Variants in STK25 observed in about 807,000 individuals in gnomAD.
The protein encoded by STK25 is serine/threonine-protein kinase 25.
A neutral mutation model predicts 53.8 loss-of-function variants in STK25; 29 were observed. That is an observed-to-expected ratio of 0.54 (90% CI 0.40 to 0.74). The LOEUF (loss-of-function observed/expected upper bound fraction) is 0.74, where lower values mean the gene tolerates loss of function less well. STK25 is among the 30% of genes least tolerant of loss of function. The probability of loss-of-function intolerance (pLI) is 0.00; values close to 1 mark genes in which losing one functional copy is unlikely to be tolerated. For missense variants in STK25, 420 were observed against 568.0 expected (o/e 0.74, Z 2.65); for synonymous variants, 247 against 238.3 (o/e 1.04, Z -0.33).
chr2:241,508,222 G>A lies in STK25; in HGVS notation c.-100-87C>T, dbSNP rs947989609. On this transcript the variant is annotated intron_variant, in intron 1 of 11. Transcript: ENST00000316586. ...CGGCGGGCTCCATGGGTGGGGGGGG[G>A]CCCAGGAGACCCCCCAGGCCGCCGG... The A allele has an allele frequency of 9.1e-5, 118 of 1,297,360 alleles. 1 individual carries two copies. The highest frequency in any genetic ancestry group is 1.1e-4 in the Non-Finnish European group (110 of 1,021,370). 80.4% of individuals were successfully genotyped at this position (1,297,360 alleles called of 1,614,324 possible). A position where few individuals can be genotyped will look rare whatever the true frequency, so the allele number is the denominator to read the frequency against.
rs1225090293 is a variant in STK25, at chr2:241,501,179, C to CCAG, written c.261+296_261+298dup. The stretch of plus-strand genomic sequence containing the variant: ...CCCTACACCCCAGACACTGGCACCA[C>CCAG]CAGCCACCTGCTCCTCACAGGCCCA... On this transcript the variant is annotated intron_variant, in intron 3 of 11. Coordinates refer to ENST00000316586, the MANE Select transcript of STK25 (RefSeq NM_001271977.2). This position sits in a 1 kb window ranked among gnomAD's most constrained non-coding sequence, Gnocchi z 5.3. The CCAG allele has an allele frequency of 3.6e-6, 2 of 552,428 alleles. No individual in the cohort carries two copies. Among genetic ancestry groups the CCAG allele is most frequent in the Non-Finnish European group, 6.5e-6 (2 of 306,160 alleles). 34.2% of individuals were successfully genotyped at this position (552,428 alleles called of 1,614,324 possible). A position where few individuals can be genotyped will look rare whatever the true frequency, so the allele number is the denominator to read the frequency against.
In STK25 at chr2:241,496,157, A is replaced by G. The variant is rs541088838; in HGVS notation, c.1241+241T>C. 2.1e-3 allele frequency among the ~76,000 whole-genome samples: 321 copies of G among 152,238 alleles called. 1 individual carries two copies. Among genetic ancestry groups the G allele is most frequent in the African/African-American group, 7.6e-3 (314 of 41,538 alleles). ...TGGCCACTGAGGCCGGGACCCTGAG[A>G]CACTGCCTCAGACCCTTAGACTGGA... On this transcript the variant is annotated intron_variant, in intron 11 of 11. Transcript: ENST00000316586. This position sits in a 1 kb window ranked among gnomAD's most constrained non-coding sequence, Gnocchi z 5.8.
In STK25 at chr2:241,501,385, C is replaced by T; in HGVS notation, c.261+93G>A. 7.6e-7 allele frequency: 1 copy of T among 1,321,762 alleles called. No individual in the cohort carries two copies. The highest frequency in any genetic ancestry group is 1.9e-5 in the Admixed American group (1 of 51,676). 81.9% of individuals were successfully genotyped at this position (1,321,762 alleles called of 1,614,324 possible). On this transcript the variant is annotated intron_variant, in intron 3 of 11. Coordinates refer to ENST00000316586, the MANE Select transcript of STK25 (RefSeq NM_001271977.2). The surrounding 1 kb of genome is among the most constrained non-coding windows in gnomAD (Gnocchi z 5.3). ...GGCATGCACTGAACCGTCAAGACCG[C>T]CTTGCACCCTCTGGCATGTCACTCA...
intron 9 of STK25, 139 bp downstream of exon 9, chr2:241,498,096 T>G: frequency 1.3e-6 from 1 of 787,770 alleles, no homozygotes; most frequent in South Asian, 1.6e-5. Context: ...AGTGCCACAG[T>G]GGGCTTCAGA....
chr2:241,500,840 A>C, intron 3 of STK25, 44 bp from the exon 4 acceptor site: 1 of 1,603,968 alleles, frequency 6.2e-7, no homozygotes, highest in Non-Finnish European at 8.5e-7. Context: ...AGCAAGAGGA[A>C]GGGCATGCTC....
intron 10 of STK25, chr2:241,497,309 AC>A (rs1429811592): frequency 6.1e-6 from 2 of 329,970 alleles, no homozygotes; most frequent in Non-Finnish European, 1.1e-5. Context: ...CCAGGGCGGC[AC>A]CTGCCCGGGG....
chr2:241,499,908 C>G (rs2065403878), intron 5 of STK25: 4 of 577,132 alleles, frequency 6.9e-6, no homozygotes, highest in South Asian at 1.7e-5. Context: ...TGCCGTGCAC[C>G]ACAGGGAACC....
At chr2:241,505,994 C>T (rs1016738221) in intron 2 of STK25, among the ~76,000 whole-genome samples, 5 of 152,378 alleles carry the variant, frequency 3.3e-5, no homozygotes, top group Admixed American at 6.5e-5. Context: ...AATGTGTCTG[C>T]TGTCAGTGTT....
chr2:241,499,866 G>A (rs759902035), intron 5 of STK25: 8 of 493,722 alleles, frequency 1.6e-5, no homozygotes, highest in Non-Finnish European at 2.6e-5. Flanking sequence ...CAGACCACAC[G>A]CTGGGGCTAC....
rs2064994839 is a variant in STK25 at position 241,493,225 on chromosome 2, A to G, written c.*2437T>C. On this transcript the variant is annotated 3_prime_UTR_variant, in exon 12 of 12. Transcript: ENST00000316586. ...TTGTACGTGCCACCGTTGTGCAGGT[A>G]GCAGAGGAATGGGCATTCCCTGTGG... is the stretch of plus-strand genomic sequence containing the variant. 6.6e-7 allele frequency: 1 copy of G among 1,523,770 alleles called. No individual in the cohort carries two copies. Among genetic ancestry groups the G allele is most frequent in the Non-Finnish European group, 9.1e-7 (1 of 1,103,786 alleles). The allele number at this position is 1,523,770 out of a possible 1,614,324, so 94.4% of individuals were successfully genotyped here.
In STK25 at chr2:241,501,472, A is replaced by G; in HGVS notation, c.261+6T>C. ...AGCAGGGTCCCCGCCTCCCCACAACAGGCACCTTTAGGTAGGAGCCAAAGT... is the reference window on the plus strand; with the variant it reads ...AGCAGGGTCCCCGCCTCCCCACAACGGGCACCTTTAGGTAGGAGCCAAAGT... On this transcript the variant is annotated splice_donor_region_variant and intron_variant, in intron 3 of 11. Coordinates refer to ENST00000316586, the MANE Select transcript of STK25 (RefSeq NM_001271977.2). This position sits in a 1 kb window ranked among gnomAD's most constrained non-coding sequence, Gnocchi z 5.3. The G allele has an allele frequency of 6.2e-7, 1 of 1,613,102 alleles. No individual in the cohort carries two copies.
At chr2:241,500,491 G>C (rs1428423968) in intron 4 of STK25, among the ~76,000 whole-genome samples, 1 of 152,180 alleles carries the variant, frequency 6.6e-6, no homozygotes, top group Non-Finnish European at 1.5e-5. Flanking sequence ...TTACTGTCAT[G>C]TAACAGAAAA....
intron 8 of STK25, 98 bp downstream of exon 8, chr2:241,498,541 G>A: frequency 6.8e-7 from 1 of 1,460,568 alleles, no homozygotes. Context: ...ACTATATCTG[G>A]TCACCCTCAC....
Position 241,496,338 on chromosome 2 carries a change from C to A in STK25, c.1241+60G>T. On this transcript the variant is annotated intron_variant, in intron 11 of 11. Transcript: ENST00000316586. This position sits in a 1 kb window ranked among gnomAD's most constrained non-coding sequence, Gnocchi z 5.8. ...CCCACGAGTGAGCACTGGACCTCAC[C>A]CCACGTCCAGCTTCTTGGTGGGGGT... 1 of 1,573,834 alleles carries A rather than the reference C, an allele frequency of 6.4e-7. No individual in the cohort carries two copies.
In STK25 at chr2:241,496,317, C is replaced by G; in HGVS notation, c.1241+81G>C. ...GTAGTGCCAAATGCAGCCACACCCA[C>G]GAGTGAGCACTGGACCTCACCCCAC... is the stretch of plus-strand genomic sequence containing the variant. On this transcript the variant is annotated intron_variant, in intron 11 of 11. Transcript: ENST00000316586. The surrounding 1 kb of genome is among the most constrained non-coding windows in gnomAD (Gnocchi z 5.8). 1 of 1,516,930 alleles carries G rather than the reference C, an allele frequency of 6.6e-7. No individual in the cohort carries two copies. The highest frequency in any genetic ancestry group is 1.4e-5 in the African/African-American group (1 of 73,062). The allele number at this position is 1,516,930 out of a possible 1,614,324, so 94.0% of individuals were successfully genotyped here. A position where few individuals can be genotyped will look rare whatever the true frequency, so the allele number is the denominator to read the frequency against.
chr2:241,501,424 G>T lies in STK25; in HGVS notation c.261+54C>A. On this transcript the variant is annotated intron_variant, in intron 3 of 11. Coordinates refer to ENST00000316586, the MANE Select transcript of STK25 (RefSeq NM_001271977.2). This position sits in a 1 kb window ranked among gnomAD's most constrained non-coding sequence, Gnocchi z 5.3. ...GCATGTCACTCAGTCCCTCTGACAT[G>T]GAAGAGAGCCGGGCACAGCACCAGC... is the stretch of plus-strand genomic sequence containing the variant. 1 of 1,552,902 alleles carries T rather than the reference G, an allele frequency of 6.4e-7. No homozygotes were observed.
chr2:241,507,200 CA>C (rs1574969746), intron 2 of STK25, among the ~76,000 whole-genome samples: 1 of 152,126 alleles, frequency 6.6e-6, no homozygotes, highest in Admixed American at 6.5e-5. Context: ...CGGCCAGAGT[CA>C]AAAAAGTGGG....
Position 241,507,997 on chromosome 2 carries a change from C to T in STK25, c.30+9G>A. ...GGCCGCTAGTCTTCCTGACCTGCAC[C>T]CTTCTCACCTGGTTGGCAAATCCCC... On this transcript the variant is annotated intron_variant, in intron 2 of 11. Coordinates refer to ENST00000316586, the MANE Select transcript of STK25 (RefSeq NM_001271977.2). 6.3e-7 allele frequency: 1 copy of T among 1,599,784 alleles called. No homozygotes were observed. The highest frequency in any genetic ancestry group is 2.3e-5 in the East Asian group (1 of 43,958).
At position 241,495,447 on chromosome 2, in the gene STK25, G is replaced by A. The variant is rs1267983388; in HGVS notation, c.*215C>T. 3.5e-6 allele frequency: 2 copies of A among 573,768 alleles called. No homozygotes were observed. The highest frequency in any genetic ancestry group is 6.3e-6 in the Non-Finnish European group (2 of 319,912). 35.5% of individuals were successfully genotyped at this position (573,768 alleles called of 1,614,324 possible). ...GGGCCAGGAGAGGGAGGAGGGCAGT[G>A]GGCATAGAGAACAGCGTCCCTGACG... is the stretch of plus-strand genomic sequence containing the variant. On this transcript the variant is annotated 3_prime_UTR_variant, in exon 12 of 12. Coordinates refer to ENST00000316586, the MANE Select transcript of STK25 (RefSeq NM_001271977.2).
Sources: gnomAD v4.1 joint callset for allele counts (sites outside exome capture counted in the v4.1 genomes callset) on GRCh38, gnomAD v4.1.1 for gene constraint, Gnocchi (gnomAD v3.1) non-coding constraint, MANE v1.5 for transcripts, NCBI Gene and HGNC (gene_info 2026-07-23, HGNC 2026-07-21) for gene names.